SUGCT: variants seen among roughly 807,000 people sequenced by gnomAD.
SUGCT encodes succinyl-CoA:glutarate-CoA transferase.
Under a neutral mutation model 55.0 loss-of-function variants are expected in SUGCT, and 41 were observed. The ratio of observed to expected loss-of-function variants is 0.74; its 90% CI spans 0.58 to 0.97. SUGCT has a LOEUF of 0.97. SUGCT is among the 50% of genes least tolerant of loss of function. The probability of loss-of-function intolerance (pLI) is 0.00; values close to 1 mark genes in which losing one functional copy is unlikely to be tolerated. For missense variants in SUGCT, 568 were observed against 547.8 expected, an observed-to-expected ratio of 1.04 and a Z score of -0.37; for synonymous variants, 187 against 200.4, an observed-to-expected ratio of 0.93 and a Z score of 0.56.
intron 8 of SUGCT, among the ~76,000 whole-genome samples, chr7:40,288,940 A>G (rs1053213922): frequency 6.6e-6 from 1 of 152,122 alleles, no homozygotes; most frequent in Non-Finnish European, 1.5e-5. Flanking sequence ...AACACAGAAG[A>G]ATGGGCTGAT....
intron 12 of SUGCT, among the ~76,000 whole-genome samples, chr7:40,588,201 C>T (rs1312579091): frequency 2.0e-5 from 3 of 151,790 alleles, no homozygotes; most frequent in Non-Finnish European, 4.4e-5. Flanking sequence ...TGCGCCCAGC[C>T]CTCCTTTTGT....
At position 40,235,619 on chromosome 7, in the gene SUGCT, A is replaced by T. The variant is rs182588307; in HGVS notation, c.485-2016A>T. 1.6e-3 allele frequency among the ~76,000 whole-genome samples: 238 copies of T among 152,292 alleles called. 1 individual carries two copies. Among genetic ancestry groups the T allele is most frequent in the African/African-American group, 5.5e-3 (229 of 41,584 alleles). ...TGGGATTATAGGCGTGAGCCACCGC[A>T]TCCAGCCAAAAAATTATTTTTATAT... On this transcript the variant is annotated intron_variant, in intron 6 of 13. Coordinates refer to ENST00000335693, the MANE Select transcript of SUGCT (RefSeq NM_001193313.2).
At chr7:40,772,578 GCTATCTATCTATCTAT>G (rs70990645) in intron 13 of SUGCT, among the ~76,000 whole-genome samples, 44 of 103,980 alleles carry the variant, frequency 4.2e-4, no homozygotes, top group African/African-American at 6.6e-4. Context: ...TTATCTATCT[GCTATCTATCTATCTAT>G]CTATCTATCT....
intron 7 of SUGCT, 50 bp from the exon 8 acceptor site, chr7:40,274,463 T>A: frequency 1.9e-6 from 3 of 1,575,248 alleles, no homozygotes; most frequent in Non-Finnish European, 2.6e-6. Flanking sequence ...ATCATATGAT[T>A]CTTTTAATGT....
chr7:40,255,554 A>T (rs941692434), intron 7 of SUGCT, among the ~76,000 whole-genome samples: 4 of 147,276 alleles, frequency 2.7e-5, no homozygotes, highest in Non-Finnish European at 6.0e-5. Context: ...CCAGCTATTC[A>T]GGAGGCTGAG....
chr7:40,157,172 A>G lies in SUGCT; in HGVS notation c.100+22052A>G, dbSNP rs143055971. Among the ~76,000 whole-genome samples the G allele has an allele frequency of 2.0e-5, 3 of 152,214 alleles. No individual in the cohort carries two copies. The East Asian group carries it at 5.8e-4, about 29-fold the overall frequency. On this transcript the variant is annotated intron_variant, in intron 1 of 13. Coordinates refer to ENST00000335693, the MANE Select transcript of SUGCT (RefSeq NM_001193313.2). ...TGTTGGAGGCATTCCCAAGATCGTA[A>G]ACCCAGTAACGCTTATCTTACCTTC... is the stretch of plus-strand genomic sequence containing the variant.
chr7:40,419,984 A>T (rs548196827), intron 9 of SUGCT, among the ~76,000 whole-genome samples: 71 of 152,306 alleles, frequency 4.7e-4, no homozygotes, highest in African/African-American at 1.6e-3. Flanking sequence ...GCTCCAAACC[A>T]TGTGCTTTTT....
At chr7:40,226,174 A>G (rs954956106) in intron 6 of SUGCT, among the ~76,000 whole-genome samples, 2 of 152,198 alleles carry the variant, frequency 1.3e-5, no homozygotes, top group African/African-American at 2.4e-5. Flanking sequence ...GGAATCTTGC[A>G]TGTAGGAAAG....
At chr7:40,609,333 G>A (rs570255009) in intron 12 of SUGCT, among the ~76,000 whole-genome samples, 53 of 151,960 alleles carry the variant, frequency 3.5e-4, no homozygotes, top group African/African-American at 1.2e-3. Context: ...TTGGGAGGCC[G>A]AGGCGGGCGG....
intron 13 of SUGCT, among the ~76,000 whole-genome samples, chr7:40,773,416 A>G (rs1303752871): frequency 6.6e-6 from 1 of 152,186 alleles, no homozygotes; most frequent in Admixed American, 6.5e-5. Flanking sequence ...GGCGTGAGCC[A>G]CTGTGCCCGG....
At chr7:40,501,948 C>A (rs1375645578) in intron 12 of SUGCT, among the ~76,000 whole-genome samples, 3 of 151,848 alleles carry the variant, frequency 2.0e-5, no homozygotes. Context: ...GCATATTTGC[C>A]CCAGAACTCT....
the SUGCT span, among the ~76,000 whole-genome samples, chr7:40,899,026 A>G: frequency 6.6e-6 from 1 of 152,082 alleles, no homozygotes; most frequent in Non-Finnish European, 1.5e-5. Context: ...AGGCATTGTT[A>G]TTCCTTCTTC....
At chr7:40,548,857 C>A (rs751211835) in intron 12 of SUGCT, among the ~76,000 whole-genome samples, 1 of 152,198 alleles carries the variant, frequency 6.6e-6, no homozygotes, top group Non-Finnish European at 1.5e-5. Flanking sequence ...TATCTTCGGA[C>A]ACCCAATCCA....
intron 12 of SUGCT, among the ~76,000 whole-genome samples, chr7:40,532,749 C>T (rs1794167212): frequency 6.6e-6 from 1 of 152,066 alleles, no homozygotes; most frequent in Non-Finnish European, 1.5e-5. Flanking sequence ...AAGTAACATA[C>T]TGATTCCATT....
intron 12 of SUGCT, among the ~76,000 whole-genome samples, chr7:40,678,652 T>C (rs998371988): frequency 1.3e-5 from 2 of 152,166 alleles, no homozygotes; most frequent in African/African-American, 4.8e-5. Flanking sequence ...ATAGAATGAA[T>C]GGTATGAATT....
chr7:40,521,766 CTA>C (rs1439025984), intron 12 of SUGCT, among the ~76,000 whole-genome samples: 1 of 151,908 alleles, frequency 6.6e-6, no homozygotes, highest in Non-Finnish European at 1.5e-5. Flanking sequence ...GGGATGAATA[CTA>C]TGATTGCTGG....
intron 12 of SUGCT, among the ~76,000 whole-genome samples, chr7:40,544,522 A>C (rs1794888409): frequency 6.6e-6 from 1 of 152,144 alleles, no homozygotes; most frequent in Non-Finnish European, 1.5e-5. Flanking sequence ...TCTTTTCTGA[A>C]ATTTCACATT....
At chr7:40,215,689 C>T (rs564420357) in intron 6 of SUGCT, among the ~76,000 whole-genome samples, 4 of 151,956 alleles carry the variant, frequency 2.6e-5, no homozygotes, top group Admixed American at 6.6e-5. Flanking sequence ...GGTGAAACCC[C>T]GTCGCTACTA....
At chr7:40,899,475 C>T in the SUGCT span, among the ~76,000 whole-genome samples, 27 of 152,152 alleles carry the variant, frequency 1.8e-4, no homozygotes, top group Non-Finnish European at 1.0e-4. Flanking sequence ...AGACACGCGA[C>T]TCAAGAGGCA....
Sources: allele counts gnomAD v4.1 joint callset (sites outside exome capture counted in the v4.1 genomes callset), GRCh38; gene constraint gnomAD v4.1.1; transcripts MANE v1.5; gene names NCBI Gene and HGNC (gene_info 2026-07-23, HGNC 2026-07-21).